The following DNAH3 variants were observed in gnomAD, a reference collection of about 807,000 sequenced individuals.
The protein encoded by DNAH3 is dynein axonemal heavy chain 3.
In DNAH3, 332 loss-of-function variants were observed where a neutral mutation model predicts 432.5. That is an observed-to-expected ratio of 0.77 (90% CI 0.70 to 0.84). The LOEUF (loss-of-function observed/expected upper bound fraction) is 0.84. Ranked by LOEUF, DNAH3 falls within the 40% of genes least tolerant of loss-of-function variation. The probability of loss-of-function intolerance (pLI) is 0.00; values close to 1 mark genes in which losing one functional copy is unlikely to be tolerated. For missense variants in DNAH3, 4,861 were observed against 5,114.0 expected (o/e 0.95, Z 1.51); for synonymous variants, 1,956 against 1,900.2 (o/e 1.03, Z -0.76).
chr16:21,159,425 C>T lies in DNAH3; in HGVS notation c.17G>A (p.Arg6His). 1.2e-6 allele frequency: 2 copies of T among 1,613,964 alleles called. 1 individual carries two copies. The highest frequency in any genetic ancestry group is 2.2e-5 in the South Asian group (2 of 91,076). The change falls in exon 1 of 62, where the codon CGC (arginine) becomes CAC (histidine). Residue 6 changes from arginine to histidine, a missense_variant. Transcript: ENST00000261383. ...AGGGGCGGCCAGTGTGAGCTCGAGG[C>T]GCCCTGTAGCTCCCATCCCCCAACC...
intron 52 of DNAH3, among the ~76,000 whole-genome samples, chr16:20,967,721 T>TG (rs1243682317): frequency 6.6e-6 from 1 of 151,820 alleles, no homozygotes; most frequent in African/African-American, 2.4e-5. Context: ...TTGGCCAGGC[T>TG]GGTCTTGAAC....
At position 20,942,897 on chromosome 16, in the gene DNAH3, G is replaced by GT. The variant is rs200528905; in HGVS notation, c.11512-1355dup. Among the ~76,000 whole-genome samples, 709 of 151,864 alleles carry GT rather than the reference G, an allele frequency of 4.7e-3. 5 individuals carry two copies. Among genetic ancestry groups the GT allele is most frequent in the African/African-American group, 0.016 (642 of 41,402 alleles). ...AGAAAGTTACTCTTTCAGGTTTTGGGTTTTTTTTCATTGTTGTTGTTACTG... is the reference window on the plus strand; with the variant it reads ...AGAAAGTTACTCTTTCAGGTTTTGGGTTTTTTTTTCATTGTTGTTGTTACTG... On this transcript the variant is annotated intron_variant, in intron 58 of 61. Transcript: ENST00000261383.
At chr16:20,960,669 C>T (rs1442912657) in intron 53 of DNAH3, among the ~76,000 whole-genome samples, 1 of 152,186 alleles carries the variant, frequency 6.6e-6, no homozygotes, top group African/African-American at 2.4e-5. Flanking sequence ...CACGCCACTG[C>T]ACTCTGGCCT....
intron 53 of DNAH3, 52 bp from the exon 54 acceptor site, chr16:20,959,456 T>G: frequency 6.5e-7 from 1 of 1,547,856 alleles, no homozygotes. Flanking sequence ...CAGCTAACAG[T>G]AACAGAACAG....
intron 16 of DNAH3, among the ~76,000 whole-genome samples, chr16:21,100,944 T>G (rs2091822322): frequency 6.6e-6 from 1 of 152,232 alleles, no homozygotes; most frequent in Non-Finnish European, 1.5e-5. Context: ...TTGTTTCTAA[T>G]TTCTTATAAT....
intron 43 of DNAH3, among the ~76,000 whole-genome samples, chr16:20,997,932 C>T (rs549655193): frequency 2.6e-5 from 4 of 151,888 alleles, no homozygotes; most frequent in South Asian, 2.1e-4. Flanking sequence ...GTTTGAGCCT[C>T]GGAGGCAGAG....
intron 35 of DNAH3, among the ~76,000 whole-genome samples, chr16:21,036,079 A>T (rs2089152199): frequency 6.6e-6 from 1 of 152,142 alleles, no homozygotes. Flanking sequence ...AAATGATGGG[A>T]TTTGGGAGGC....
At chr16:20,996,356 C>A (rs1158267028) in intron 44 of DNAH3, among the ~76,000 whole-genome samples, 1 of 152,116 alleles carries the variant, frequency 6.6e-6, no homozygotes, top group Admixed American at 6.6e-5. Context: ...GTGAACTTAA[C>A]CTTTTGATGA....
At chr16:20,989,628 C>T (rs917248911) in intron 44 of DNAH3, among the ~76,000 whole-genome samples, 2 of 152,252 alleles carry the variant, frequency 1.3e-5, no homozygotes, top group Non-Finnish European at 2.9e-5. Context: ...CTGCCAGTCC[C>T]GGGCGGTACG....
intron 12 of DNAH3, among the ~76,000 whole-genome samples, chr16:21,112,636 G>C (rs1174541661): frequency 2.0e-5 from 3 of 152,138 alleles, no homozygotes; most frequent in Non-Finnish European, 4.4e-5. Flanking sequence ...CAACACGTGG[G>C]AATTCTAGGA....
chr16:21,109,147 G>GAAAAGA (rs1170723593), intron 14 of DNAH3, among the ~76,000 whole-genome samples: 1 of 150,118 alleles, frequency 6.7e-6, no homozygotes, highest in African/African-American at 2.4e-5. Flanking sequence ...AAGAAAGAAA[G>GAAAAGA]AAAAGAAAAA....
rs770237103 is a variant in DNAH3, at chr16:20,954,974, T to G, written c.10910A>C (p.Lys3637Thr). The change falls in exon 55 of 62, where the codon AAA (lysine) becomes ACA (threonine). Residue 3637 changes from lysine to threonine, a missense_variant. Coordinates refer to ENST00000261383, the Ensembl canonical transcript of DNAH3. ...GCGCAACAGGTTGGCCCGGAGCCCT[T>G]TGGGGGGCTCATTGGTCATTTTGAT... is the stretch of plus-strand genomic sequence containing the variant. 2 of 1,614,150 alleles carry G rather than the reference T, an allele frequency of 1.2e-6. No individual in the cohort carries two copies. Among genetic ancestry groups the G allele is most frequent in the East Asian group, 4.5e-5 (2 of 44,884 alleles).
At chr16:20,951,657 A>T (rs1033457178) in intron 56 of DNAH3, among the ~76,000 whole-genome samples, 1 of 151,042 alleles carries the variant, frequency 6.6e-6, no homozygotes, top group African/African-American at 2.4e-5. Context: ...GCCGGTCTTA[A>T]ACTTCTGGCC....
chr16:21,146,337 C>T (rs973715904), intron 1 of DNAH3, among the ~76,000 whole-genome samples: 1 of 152,160 alleles, frequency 6.6e-6, no homozygotes, highest in African/African-American at 2.4e-5. Flanking sequence ...GGGTGGATCA[C>T]CTGAGGTCAG....
At chr16:21,102,218 G>T (rs1283449147) in intron 16 of DNAH3, among the ~76,000 whole-genome samples, 2 of 152,108 alleles carry the variant, frequency 1.3e-5, no homozygotes, top group South Asian at 2.1e-4. Context: ...GGGAACCAGC[G>T]GATGAGATCA....
At chr16:20,999,684 AATG>A (rs1450956622) in intron 43 of DNAH3, among the ~76,000 whole-genome samples, 1 of 152,202 alleles carries the variant, frequency 6.6e-6, no homozygotes, top group East Asian at 1.9e-4. Flanking sequence ...GTAAAATGAC[AATG>A]ATGGTTAATA....
exon 14 of DNAH3, chr16:21,111,776 T>C: frequency 6.2e-7 from 1 of 1,613,826 alleles, no homozygotes; most frequent in Non-Finnish European, 8.5e-7. Flanking sequence ...TGCAATTTCA[T>C]TTCTCCGTTT....
At chr16:20,936,673 C>G in exon 60 of DNAH3, 1 of 1,601,604 alleles carries the variant, frequency 6.2e-7, no homozygotes, top group Non-Finnish European at 8.5e-7. Context: ...GGCGGGCCAG[C>G]AGGTCAGCCA....
chr16:21,124,016 T>C (rs2092397628), intron 9 of DNAH3, among the ~76,000 whole-genome samples: 1 of 152,174 alleles, frequency 6.6e-6, no homozygotes, highest in Non-Finnish European at 1.5e-5. Context: ...GGTCTCAAAC[T>C]CCTGACCTCA....
Sources: gnomAD v4.1 joint callset for allele counts (sites outside exome capture counted in the v4.1 genomes callset) on GRCh38, gnomAD v4.1.1 for gene constraint, MANE v1.5 for transcripts, NCBI Gene and HGNC (gene_info 2026-07-23, HGNC 2026-07-21) for gene names.